Variants in ZRANB3 observed in about 807,000 individuals in gnomAD.
The protein encoded by ZRANB3 is zinc finger RANBP2-type containing 3, also known as DNA annealing helicase and endonuclease ZRANB3.
In ZRANB3, 125 loss-of-function variants were observed where a neutral mutation model predicts 133.8. The ratio of observed to expected loss-of-function variants is 0.93; its 90% CI spans 0.81 to 1.08. The LOEUF is 1.08. ZRANB3 is among the 50% of genes least tolerant of loss of function. The pLI is 0.00. For synonymous variants in ZRANB3, 387 were observed against 432.7 expected (o/e 0.89, Z 1.31); for missense variants, 1,229 against 1,275.5 (o/e 0.96, Z 0.56).
intron 12 of ZRANB3, among the ~76,000 whole-genome samples, chr2:135,255,912 A>ATT (rs760364915): frequency 3.6e-5 from 5 of 138,954 alleles, no homozygotes; most frequent in Non-Finnish European, 4.7e-5. Context: ...ACTCATTAAA[A>ATT]TTTTTTTTTT....
chr2:135,385,081 A>G (rs1034889056), intron 3 of ZRANB3, among the ~76,000 whole-genome samples: 3 of 152,228 alleles, frequency 2.0e-5, no homozygotes, highest in African/African-American at 7.2e-5. Flanking sequence ...ACATGATTGT[A>G]TATCTAGAAA....
intron 1 of ZRANB3, among the ~76,000 whole-genome samples, chr2:135,514,474 T>C (rs1201339759): frequency 6.6e-6 from 1 of 152,228 alleles, no homozygotes; most frequent in Non-Finnish European, 1.5e-5. Context: ...ATGCTTGTGA[T>C]TTTTGCATAC....
intron 2 of ZRANB3, among the ~76,000 whole-genome samples, chr2:135,392,280 C>G (rs998343522): frequency 4.3e-5 from 6 of 140,276 alleles, no homozygotes; most frequent in Admixed American, 2.4e-4. Context: ...TCCCACTGTA[C>G]TCCAGCCTGG....
chr2:135,319,027 A>T (rs1467923407), intron 6 of ZRANB3, among the ~76,000 whole-genome samples: 1 of 152,250 alleles, frequency 6.6e-6, no homozygotes, highest in Admixed American at 6.5e-5. Context: ...CAGTATGCTA[A>T]AAAACAATGC....
chr2:135,389,629 C>A (rs1002828089), intron 3 of ZRANB3, among the ~76,000 whole-genome samples: 1 of 151,896 alleles, frequency 6.6e-6, no homozygotes, highest in South Asian at 2.1e-4. Context: ...TGCTTGAATC[C>A]GGGAGGCAGA....
chr2:135,375,852 A>G (rs1686407771), intron 3 of ZRANB3, among the ~76,000 whole-genome samples: 1 of 151,912 alleles, frequency 6.6e-6, no homozygotes. Flanking sequence ...GCGAAACTCC[A>G]TCTCAAAAAA....
intron 20 of ZRANB3, among the ~76,000 whole-genome samples, chr2:135,201,696 A>T: frequency 6.6e-6 from 1 of 152,104 alleles, no homozygotes; most frequent in Non-Finnish European, 1.5e-5. Flanking sequence ...TAAAGAGTTC[A>T]TACTTTATAA....
intron 2 of ZRANB3, among the ~76,000 whole-genome samples, chr2:135,450,685 A>G (rs185113570): frequency 1.3e-5 from 2 of 152,370 alleles, no homozygotes; most frequent in East Asian, 3.9e-4. Flanking sequence ...ACTGGACATG[A>G]GACAACAAAG....
intron 8 of ZRANB3, among the ~76,000 whole-genome samples, chr2:135,309,658 C>T (rs1359309560): frequency 1.3e-5 from 2 of 151,936 alleles, no homozygotes; most frequent in Non-Finnish European, 2.9e-5. Context: ...CACAAAATAC[C>T]TATGGATAAA....
chr2:135,251,573 C>T (rs1301583190), intron 12 of ZRANB3, among the ~76,000 whole-genome samples: 5 of 152,120 alleles, frequency 3.3e-5, no homozygotes, highest in Admixed American at 6.6e-5. Context: ...GTCTTTCCTG[C>T]GCTATTCTTG....
At chr2:135,447,023 T>C (rs72986427) in intron 2 of ZRANB3, among the ~76,000 whole-genome samples, 6,728 of 152,158 alleles carry the variant, frequency 0.044, 501 homozygotes, top group African/African-American at 0.15. Flanking sequence ...TTTAGGTTCC[T>C]TGTTTCAACC....
chr2:135,257,236 C>T (rs1679705137), intron 12 of ZRANB3, among the ~76,000 whole-genome samples: 1 of 152,216 alleles, frequency 6.6e-6, no homozygotes, highest in Non-Finnish European at 1.5e-5. Context: ...TGTAGACTCA[C>T]CCCAAATTCC....
chr2:135,506,931 G>A (rs1010732007), intron 1 of ZRANB3, among the ~76,000 whole-genome samples: 11 of 152,176 alleles, frequency 7.2e-5, no homozygotes, highest in African/African-American at 2.7e-4. Flanking sequence ...AAACACTCAT[G>A]AGTGGCCCTC....
intron 1 of ZRANB3, among the ~76,000 whole-genome samples, chr2:135,508,644 G>T (rs1474104509): frequency 6.6e-6 from 1 of 152,010 alleles, no homozygotes; most frequent in Admixed American, 6.6e-5. Context: ...GATAAATAAA[G>T]AACTTAAAAA....
intron 3 of ZRANB3, among the ~76,000 whole-genome samples, chr2:135,388,691 T>C (rs1244037063): frequency 6.6e-6 from 1 of 152,208 alleles, no homozygotes; most frequent in East Asian, 1.9e-4. Flanking sequence ...TATTTCTATT[T>C]GTTGAAAACA....
At chr2:135,404,839 A>G (rs1028745500) in intron 2 of ZRANB3, among the ~76,000 whole-genome samples, 1 of 152,168 alleles carries the variant, frequency 6.6e-6, no homozygotes, top group Non-Finnish European at 1.5e-5. Context: ...AGAATTTCAT[A>G]TCCAGCCAAA....
At chr2:135,387,320 C>A (rs1268407565) in intron 3 of ZRANB3, among the ~76,000 whole-genome samples, 1 of 152,168 alleles carries the variant, frequency 6.6e-6, no homozygotes. Context: ...GGCTTCACCA[C>A]TGTTTTATAA....
intron 8 of ZRANB3, among the ~76,000 whole-genome samples, chr2:135,297,366 C>A (rs954137670): frequency 6.6e-6 from 1 of 152,212 alleles, no homozygotes; most frequent in Non-Finnish European, 1.5e-5. Flanking sequence ...GGGCATATGA[C>A]CCTCCGAGAC....
At chr2:135,347,064 T>C (rs1399274695) in intron 5 of ZRANB3, among the ~76,000 whole-genome samples, 1 of 152,208 alleles carries the variant, frequency 6.6e-6, no homozygotes, top group African/African-American at 2.4e-5. Flanking sequence ...ATCTGGTTTA[T>C]TTCACCCAGC....
Sources: allele counts gnomAD v4.1 joint callset (sites outside exome capture counted in the v4.1 genomes callset), GRCh38; gene constraint gnomAD v4.1.1; transcripts MANE v1.5; gene names NCBI Gene and HGNC (gene_info 2026-07-23, HGNC 2026-07-21).